SPIN1: variants seen among roughly 807,000 people sequenced by gnomAD.
SPIN1 encodes the protein spindlin 1.
SPIN1 carries 3 observed loss-of-function variants against 26.0 expected under a neutral mutation model. That is an observed-to-expected ratio of 0.12 (90% CI 0.05 to 0.30). The LOEUF is 0.30. Ranked by LOEUF, SPIN1 falls within the 10% of genes least tolerant of loss-of-function variation. The probability of loss-of-function intolerance (pLI) is 1.00; values close to 1 mark genes in which losing one functional copy is unlikely to be tolerated. For missense variants in SPIN1, 126 were observed against 333.4 expected (o/e 0.38, Z 4.84); for synonymous variants, 101 against 116.5 (o/e 0.87, Z 0.86).
chr9:88,399,071 G>T (rs1180064896), intron 1 of SPIN1, among the ~76,000 whole-genome samples: 2 of 147,812 alleles, frequency 1.4e-5, no homozygotes, highest in African/African-American at 5.0e-5. Context: ...TTGCTCTATT[G>T]CCCAGGCTGG....
intron 1 of SPIN1, among the ~76,000 whole-genome samples, chr9:88,389,210 G>T (rs1440185469): frequency 6.6e-6 from 1 of 152,182 alleles, no homozygotes; most frequent in Admixed American, 6.5e-5. Context: ...TCTCTTCGCC[G>T]CCCTCCGTGG....
At chr9:88,398,048 G>A (rs541919261) in intron 1 of SPIN1, among the ~76,000 whole-genome samples, 1 of 150,134 alleles carries the variant, frequency 6.7e-6, no homozygotes, top group African/African-American at 2.4e-5. Flanking sequence ...TCAGCCTCCC[G>A]CGTAGCTGAG....
chr9:88,477,815 T>C lies in SPIN1; in HGVS notation c.*2538T>C, dbSNP rs888420331. ...ATAAAATTTATCGGCCTTTCTCATT[T>C]ACCTGCTCTAGTATTATTGTATTGT... is the stretch of plus-strand genomic sequence containing the variant. On this transcript the variant is annotated 3_prime_UTR_variant, in exon 6 of 6. Coordinates refer to ENST00000375859, the MANE Select transcript of SPIN1 (RefSeq NM_006717.3). 6.6e-6 allele frequency: 1 copy of C among 152,436 alleles called. No homozygotes were observed. Among genetic ancestry groups the C allele is most frequent in the Non-Finnish European group, 1.5e-5 (1 of 68,042 alleles). 9.4% of individuals were successfully genotyped at this position (152,436 alleles called of 1,614,324 possible). A position where few individuals can be genotyped will look rare whatever the true frequency, so the allele number is the denominator to read the frequency against.
intron 5 of SPIN1, among the ~76,000 whole-genome samples, chr9:88,468,916 C>T (rs1828722875): frequency 6.6e-6 from 1 of 152,166 alleles, no homozygotes. Context: ...TAAAATACGT[C>T]CCCGTGTACC....
chr9:88,450,492 A>G (rs1828334241), intron 3 of SPIN1, among the ~76,000 whole-genome samples: 1 of 152,184 alleles, frequency 6.6e-6, no homozygotes, highest in African/African-American at 2.4e-5. Flanking sequence ...ATGTTATTAT[A>G]ATGCGTTTTG....
At chr9:88,467,276 T>C (rs1828687930) in intron 4 of SPIN1, among the ~76,000 whole-genome samples, 1 of 152,144 alleles carries the variant, frequency 6.6e-6, no homozygotes, top group Non-Finnish European at 1.5e-5. Flanking sequence ...GGGTATCTGA[T>C]TAAATCATAC....
chr9:88,422,936 C>G (rs1226819343), intron 1 of SPIN1, among the ~76,000 whole-genome samples: 1 of 152,080 alleles, frequency 6.6e-6, no homozygotes, highest in Non-Finnish European at 1.5e-5. Context: ...TCTTGAACTC[C>G]TGACCTCAGG....
At chr9:88,419,734 T>C (rs1385735889) in intron 1 of SPIN1, among the ~76,000 whole-genome samples, 1 of 152,182 alleles carries the variant, frequency 6.6e-6, no homozygotes, top group African/African-American at 2.4e-5. Context: ...TACTTTGCCA[T>C]GTTCATGTTG....
At chr9:88,423,988 G>A (rs559341997) in intron 1 of SPIN1, among the ~76,000 whole-genome samples, 5 of 152,142 alleles carry the variant, frequency 3.3e-5, no homozygotes, top group East Asian at 1.9e-4. Context: ...GGCTGGTCTC[G>A]AACTTTTGAG....
Position 88,426,650 on chromosome 9 carries a change from C to G in SPIN1, c.52+59C>G, listed in dbSNP as rs1827769098. The G allele has an allele frequency of 4.7e-6, 7 of 1,478,450 alleles. No individual in the cohort carries two copies. In the South Asian group the frequency reaches 8.9e-5, roughly 19 times the overall value. 91.6% of individuals were successfully genotyped at this position (1,478,450 alleles called of 1,614,324 possible). A position where few individuals can be genotyped will look rare whatever the true frequency, so the allele number is the denominator to read the frequency against. ...ATACTTTAATATAATTCATTTCAAA[C>G]AAGTGTAAAATTGGGTACTTTCACA... On this transcript the variant is annotated intron_variant, in intron 2 of 5. Coordinates refer to ENST00000375859, the MANE Select transcript of SPIN1 (RefSeq NM_006717.3).
chr9:88,393,610 C>T (rs1218033531), intron 1 of SPIN1, among the ~76,000 whole-genome samples: 1 of 151,656 alleles, frequency 6.6e-6, no homozygotes, highest in Non-Finnish European at 1.5e-5. Flanking sequence ...CATGTGCCAC[C>T]ACACCTAGCT....
intron 1 of SPIN1, chr9:88,411,296 C>A (rs1307151581): frequency 7.6e-7 from 1 of 1,319,120 alleles, no homozygotes; most frequent in Non-Finnish European, 1.1e-6. Flanking sequence ...AAACTCAAAG[C>A]CCCTGGAGCA....
At position 88,476,722 on chromosome 9, in the gene SPIN1, C is replaced by G. The variant is rs1828895087; in HGVS notation, c.*1445C>G. On this transcript the variant is annotated 3_prime_UTR_variant, in exon 6 of 6. Transcript: ENST00000375859. ...TAGTGTGATTGGTTGATCAGCAAAA[C>G]AGCTGCTCTCATTTTGTTTTGGAGG... The G allele has an allele frequency of 1.3e-5, 2 of 152,218 alleles. No homozygotes were observed. Among genetic ancestry groups the G allele is most frequent in the South Asian group, 2.1e-4 (1 of 4,830 alleles). The allele number at this position is 152,218 out of a possible 1,614,324, so 9.4% of individuals were successfully genotyped here. A position where few individuals can be genotyped will look rare whatever the true frequency, so the allele number is the denominator to read the frequency against.
rs118186008 is a variant in SPIN1, at chr9:88,411,562, A to T, written c.-158-14820A>T. 3.6e-3 allele frequency: 2,221 copies of T among 611,872 alleles called. 12 individuals carry two copies. The highest frequency in any genetic ancestry group is 5.2e-3 in the Non-Finnish European group (1,802 of 348,100). 37.9% of individuals were successfully genotyped at this position (611,872 alleles called of 1,614,324 possible). On this transcript the variant is annotated intron_variant, in intron 1 of 5. Coordinates refer to ENST00000375859, the MANE Select transcript of SPIN1 (RefSeq NM_006717.3). Reference sequence around the variant, plus strand: ...AGAATCTCACTTTGTCACCCAGGCTAGAGTGCAGTGGCATGATCTTGGCTT... The same window carrying T: ...AGAATCTCACTTTGTCACCCAGGCTTGAGTGCAGTGGCATGATCTTGGCTT...
chr9:88,395,453 T>G (rs1314574739), intron 1 of SPIN1, among the ~76,000 whole-genome samples: 1 of 152,110 alleles, frequency 6.6e-6, no homozygotes, highest in Non-Finnish European at 1.5e-5. Flanking sequence ...ACATTTGGGT[T>G]GTTTATATTC....
intron 2 of SPIN1, among the ~76,000 whole-genome samples, chr9:88,432,779 G>T (rs1013563180): frequency 6.6e-6 from 1 of 151,974 alleles, no homozygotes; most frequent in Non-Finnish European, 1.5e-5. Flanking sequence ...GAGCCACTGC[G>T]CCTGGCCCAT....
chr9:88,413,259 T>A (rs539190391), intron 1 of SPIN1, among the ~76,000 whole-genome samples: 31 of 151,326 alleles, frequency 2.0e-4, no homozygotes, highest in African/African-American at 7.3e-4. Flanking sequence ...GATTTCACCA[T>A]GTTGGCCAGG....
intron 1 of SPIN1, among the ~76,000 whole-genome samples, chr9:88,410,241 A>G (rs534779378): frequency 7.9e-4 from 119 of 150,894 alleles, no homozygotes; most frequent in African/African-American, 2.7e-3. Context: ...TCAGACTATT[A>G]CATTTAGCAA....
intron 5 of SPIN1, among the ~76,000 whole-genome samples, chr9:88,470,237 TC>T (rs1828751897): frequency 6.6e-6 from 1 of 152,222 alleles, no homozygotes; most frequent in African/African-American, 2.4e-5. Context: ...CTGAGTTGTT[TC>T]CCCACCTCTT....
Sources: allele counts gnomAD v4.1 joint callset (sites outside exome capture counted in the v4.1 genomes callset), GRCh38; gene constraint gnomAD v4.1.1; transcripts MANE v1.5; gene names NCBI Gene and HGNC (gene_info 2026-07-23, HGNC 2026-07-21).